RTTN: variants seen among roughly 807,000 people sequenced by gnomAD.
RTTN encodes rotatin.
A neutral mutation model predicts 269.2 loss-of-function variants in RTTN; 182 were observed. That is an observed-to-expected ratio of 0.68 (90% CI 0.60 to 0.76). The LOEUF is 0.76. RTTN is among the 30% of genes least tolerant of loss of function. RTTN has a pLI of 0.00. For synonymous variants in RTTN, 1,006 were observed against 963.5 expected (o/e 1.04, Z -0.82); for missense variants, 2,545 against 2,608.6 (o/e 0.98, Z 0.53).
intron 40 of RTTN, among the ~76,000 whole-genome samples, chr18:70,044,062 T>A (rs1241540884): frequency 6.6e-6 from 1 of 152,256 alleles, no homozygotes; most frequent in Admixed American, 6.5e-5. Context: ...TCTAGATTAA[T>A]CCCTTCTGTA....
intron 34 of RTTN, among the ~76,000 whole-genome samples, chr18:70,073,027 T>C (rs946781981): frequency 1.3e-5 from 2 of 152,184 alleles, no homozygotes; most frequent in Non-Finnish European, 2.9e-5. Context: ...AACTAGGAGA[T>C]AGATTAAACA....
intron 40 of RTTN, among the ~76,000 whole-genome samples, chr18:70,041,468 AAG>A (rs1341970567): frequency 6.6e-6 from 1 of 152,014 alleles, no homozygotes; most frequent in Non-Finnish European, 1.5e-5. Flanking sequence ...CTTGAATTCT[AAG>A]TGGTGAGTGG....
chr18:70,097,647 C>A (rs1022900869), intron 28 of RTTN, among the ~76,000 whole-genome samples: 2 of 152,168 alleles, frequency 1.3e-5, no homozygotes, highest in South Asian at 2.1e-4. Flanking sequence ...TTTATAACTG[C>A]GAAACATTAC....
intron 14 of RTTN, among the ~76,000 whole-genome samples, chr18:70,154,468 A>G (rs1463187378): frequency 6.6e-6 from 1 of 152,194 alleles, no homozygotes; most frequent in African/African-American, 2.4e-5. Flanking sequence ...TCGGGGTATA[A>G]TAACTATCCC....
chr18:70,053,061 C>A (rs1400554464), intron 38 of RTTN, among the ~76,000 whole-genome samples: 2 of 152,174 alleles, frequency 1.3e-5, no homozygotes, highest in African/African-American at 2.4e-5. Flanking sequence ...TGCTATATGA[C>A]CTTGGGATCA....
chr18:70,187,692 T>C (rs2061578224), intron 10 of RTTN, among the ~76,000 whole-genome samples: 1 of 152,206 alleles, frequency 6.6e-6, no homozygotes, highest in Admixed American at 6.5e-5. Context: ...AACTATCTTA[T>C]GTATGTTTAA....
At chr18:70,098,451 G>C (rs2059062026) in intron 28 of RTTN, among the ~76,000 whole-genome samples, 1 of 151,992 alleles carries the variant, frequency 6.6e-6, no homozygotes, top group Non-Finnish European at 1.5e-5. Flanking sequence ...GAGATAGATA[G>C]GCCACTAGCT....
intron 28 of RTTN, among the ~76,000 whole-genome samples, chr18:70,108,274 C>T (rs913596006): frequency 5.2e-4 from 31 of 59,666 alleles, no homozygotes; most frequent in African/African-American, 8.6e-4. Flanking sequence ...AAGACTCTGT[C>T]TCAAAAAAAA....
At chr18:70,186,748 C>G (rs2061555890) in intron 10 of RTTN, among the ~76,000 whole-genome samples, 1 of 152,152 alleles carries the variant, frequency 6.6e-6, no homozygotes, top group Non-Finnish European at 1.5e-5. Flanking sequence ...AGGCCATTAT[C>G]CTATGCAAAC....
chr18:70,158,302 T>G (rs533974227), intron 14 of RTTN, among the ~76,000 whole-genome samples: 1 of 152,178 alleles, frequency 6.6e-6, no homozygotes, highest in African/African-American at 2.4e-5. Context: ...ATAATCAGCA[T>G]GCTTAAAGAA....
intron 14 of RTTN, among the ~76,000 whole-genome samples, chr18:70,152,798 G>C (rs748224425): frequency 6.6e-6 from 1 of 152,116 alleles, no homozygotes; most frequent in African/African-American, 2.4e-5. Context: ...CTACTACAAT[G>C]AAACTGGTCT....
chr18:70,093,558 A>C (rs1258339802), intron 28 of RTTN, among the ~76,000 whole-genome samples: 1 of 152,184 alleles, frequency 6.6e-6, no homozygotes, highest in East Asian at 1.9e-4. Flanking sequence ...TATTGAGATA[A>C]TCATGTGGTT....
At chr18:70,025,174 G>A (rs2056819042) in intron 43 of RTTN, among the ~76,000 whole-genome samples, 2 of 152,140 alleles carry the variant, frequency 1.3e-5, no homozygotes. Flanking sequence ...GCTATGAACT[G>A]GCCAAGAAGT....
At chr18:70,181,458 A>G (rs1178813404) in intron 10 of RTTN, among the ~76,000 whole-genome samples, 1 of 152,212 alleles carries the variant, frequency 6.6e-6, no homozygotes, top group Non-Finnish European at 1.5e-5. Flanking sequence ...TTAGGTCAGC[A>G]TAACTAATTT....
Position 70,103,421 on chromosome 18 carries a change from T to G in RTTN, c.3903+6077A>C, listed in dbSNP as rs570969533. On this transcript the variant is annotated intron_variant, in intron 28 of 48. Coordinates refer to ENST00000640769, the MANE Select transcript of RTTN (RefSeq NM_173630.4). ...ATTTTGTTCTGTACTAAGAAAAATT[T>G]TTCTGCCTTGGGATGCTGTTAATCT... Among the ~76,000 whole-genome samples the G allele has an allele frequency of 9.2e-5, 14 of 152,280 alleles. No homozygotes were observed. In the East Asian group the frequency reaches 2.7e-3, roughly 29 times the overall value.
chr18:70,070,392 G>A (rs2058263764), intron 34 of RTTN, among the ~76,000 whole-genome samples: 1 of 152,156 alleles, frequency 6.6e-6, no homozygotes, highest in African/African-American at 2.4e-5. Context: ...AAGTTTTCCT[G>A]GGGTCACCAT....
chr18:70,106,653 G>A (rs2059328501), intron 28 of RTTN, among the ~76,000 whole-genome samples: 1 of 151,974 alleles, frequency 6.6e-6, no homozygotes, highest in Non-Finnish European at 1.5e-5. Context: ...AAACTACAAT[G>A]GAGGCAAATC....
chr18:70,113,943 G>A (rs1200324424), intron 27 of RTTN, among the ~76,000 whole-genome samples: 1 of 152,118 alleles, frequency 6.6e-6, no homozygotes. Context: ...TTGGGGTGAT[G>A]ATAAAGTTCT....
intron 27 of RTTN, among the ~76,000 whole-genome samples, chr18:70,114,154 A>T (rs1175764216): frequency 6.6e-6 from 1 of 152,126 alleles, no homozygotes; most frequent in Non-Finnish European, 1.5e-5. Context: ...TGACTGCTCA[A>T]GTAGATTTGT....
Sources: allele counts gnomAD v4.1 joint callset (sites outside exome capture counted in the v4.1 genomes callset), GRCh38; gene constraint gnomAD v4.1.1; transcripts MANE v1.5; gene names NCBI Gene and HGNC (gene_info 2026-07-23, HGNC 2026-07-21).